The following CSF2RA variants were observed in gnomAD, a reference collection of about 807,000 sequenced individuals.
CSF2RA encodes the protein granulocyte-macrophage colony-stimulating factor receptor subunit alpha.
Under a neutral mutation model 51.6 loss-of-function variants are expected in CSF2RA, and 42 were observed. The ratio of observed to expected loss-of-function variants is 0.81; its 90% confidence interval spans 0.64 to 1.05. CSF2RA has a LOEUF of 1.05. Among genes scored for constraint, CSF2RA ranks in the 50% least tolerant of loss-of-function variants. CSF2RA has a pLI of 0.00. For missense variants in CSF2RA, 530 were observed against 501.1 expected (o/e 1.06, Z -0.55); for synonymous variants, 222 against 193.0 (o/e 1.15, Z -1.24).
In CSF2RA at chrX:1,309,506, G is replaced by C; in HGVS notation, c.*27G>C. ...ACCCAGAGGGTGTAGGAATGGCATG[G>C]ACATCTCCGCCTCCGCGACACGGGG... is the stretch of plus-strand genomic sequence containing the variant. On this transcript the variant is annotated 3_prime_UTR_variant, in exon 13 of 13. Transcript: ENST00000381529. The C allele has an allele frequency of 6.2e-7, 1 of 1,613,988 alleles. No individual in the cohort carries two copies.
At chrX:1,296,923 CGTA>C (rs2091998608) in intron 9 of CSF2RA, among the ~76,000 whole-genome samples, 3 of 64,454 alleles carry the variant, frequency 4.7e-5, no homozygotes, top group Admixed American at 1.2e-4. Flanking sequence ...CTGGCGGAAC[CGTA>C]CAGTCCCCTA....
At chrX:1,283,371 C>T (rs1421300165) in intron 3 of CSF2RA, among the ~76,000 whole-genome samples, 5 of 145,566 alleles carry the variant, frequency 3.4e-5, no homozygotes, top group South Asian at 2.2e-4. Context: ...TTCCTTCTTC[C>T]GTCCCTCCCT....
chrX:1,290,243 GTGTTTTGTTTTGTGTTTGTTTT>G (rs2091274949), intron 6 of CSF2RA, 72 bp from the exon 7 acceptor site: 13 of 1,002,464 alleles, frequency 1.3e-5, no homozygotes, highest in African/African-American at 9.9e-5. Flanking sequence ...TTGTGTTTTT[GTGTTTTGTTTTGTGTTTGTTTT>G]TGTTTTGTTT....
chrX:1,323,159 A>ACAAT, the CSF2RA span, among the ~76,000 whole-genome samples: 10,932 of 61,438 alleles, frequency 0.18, 1,258 homozygotes, highest in African/African-American at 0.37. Context: ...CATTACAATT[A>ACAAT]TAAAATAAAA....
chrX:1,300,075 C>T (rs1354518337), intron 9 of CSF2RA, among the ~76,000 whole-genome samples: 12 of 151,726 alleles, frequency 7.9e-5, no homozygotes, highest in South Asian at 4.2e-4. Context: ...AAAAATTAGC[C>T]GGGCGTGGTG....
chrX:1,321,278 G>T, the CSF2RA span, among the ~76,000 whole-genome samples: 1 of 151,912 alleles, frequency 6.6e-6, no homozygotes, highest in Non-Finnish European at 1.5e-5. Flanking sequence ...GACCATCCTG[G>T]CTAACACAAT....
Position 1,285,819 on chromosome X carries a change from T to C in CSF2RA, c.118T>C (p.Phe40Leu), listed in dbSNP as rs747530795. 9.3e-6 allele frequency: 15 copies of C among 1,613,070 alleles called. No homozygotes were observed. Among genetic ancestry groups the C allele is most frequent in the Non-Finnish European group, 1.3e-5 (15 of 1,179,746 alleles). Residue 40 changes from phenylalanine to leucine, a missense_variant, in exon 4 of 13, where the codon TTT becomes CTT. By Grantham distance (22) the Phe-to-Leu change is conservative. Transcript: ENST00000381529. ...VAPASSLNVR[F>L]DSRTMNLSWD... ...ACCAGCCTCTAGTCTCAATGTGAGGTTTGACTCCAGGACGATGAATTTAAG... is the reference window on the plus strand; with the variant it reads ...ACCAGCCTCTAGTCTCAATGTGAGGCTTGACTCCAGGACGATGAATTTAAG...
chrX:1,286,754 C>A (rs28571702), intron 4 of CSF2RA, among the ~76,000 whole-genome samples: 5 of 152,036 alleles, frequency 3.3e-5, no homozygotes, highest in Admixed American at 1.3e-4. Context: ...CCTATGTTAC[C>A]GTATTTTACC....
rs1380364700 is a variant in CSF2RA, at chrX:1,285,811, A to T, written c.110A>T (p.Asn37Ile). ...LRTVAPASSL[N>I]VRFDSRTMNL... is the part of the protein sequence containing the mutation. ...ACAGTGGCACCAGCCTCTAGTCTCA[A>T]TGTGAGGTTTGACTCCAGGACGATG... is the stretch of plus-strand genomic sequence containing the variant. The change falls in exon 4 of 13, where the codon AAT becomes ATT. Residue 37 changes from asparagine (N) to isoleucine (I), a missense_variant. Coordinates refer to ENST00000381529, the MANE Select transcript of CSF2RA (RefSeq NM_172245.4). 1.4e-5 allele frequency: 22 copies of T among 1,613,636 alleles called. No homozygotes were observed. The highest frequency in any genetic ancestry group is 1.9e-5 in the Non-Finnish European group (22 of 1,179,814).
At chrX:1,283,543 CTTCTTTCT>C (rs370551169) in intron 3 of CSF2RA, among the ~76,000 whole-genome samples, 18 of 113,482 alleles carry the variant, frequency 1.6e-4, no homozygotes, top group Admixed American at 5.5e-4. Flanking sequence ...CTTCCTCTTT[CTTCTTTCT>C]TTCTTTCTTT....
At chrX:1,311,207 C>G (rs2084166557), downstream of CSF2RA, among the ~76,000 whole-genome samples, 1 of 151,112 alleles carries the variant, frequency 6.6e-6, no homozygotes, top group Non-Finnish European at 1.5e-5. Context: ...CAAGATCACG[C>G]CATTGCACTC....
chrX:1,288,495 C>T (rs1569501056), intron 4 of CSF2RA, 24 bp from the exon 5 acceptor site: 10 of 1,613,880 alleles, frequency 6.2e-6, no homozygotes, highest in South Asian at 1.1e-5. Context: ...TCCTAATCGG[C>T]TCTGTCTGGT....
downstream of CSF2RA, among the ~76,000 whole-genome samples, chrX:1,314,870 G>C (rs186592021): frequency 0.062 from 1,928 of 31,130 alleles, 223 homozygotes; most frequent in Non-Finnish European, 0.096. Flanking sequence ...CTGCCCAACC[G>C]CACTGCACCT....
intron 10 of CSF2RA, 104 bp downstream of exon 10, chrX:1,300,730 C>A: frequency 2.0e-6 from 3 of 1,472,008 alleles, no homozygotes; most frequent in Non-Finnish European, 2.9e-6. Context: ...TCGAGTTGAG[C>A]ACGTCGCTGG....
intron 1 of CSF2RA, among the ~76,000 whole-genome samples, chrX:1,271,816 C>T (rs2088472914): frequency 6.6e-6 from 1 of 152,038 alleles, no homozygotes; most frequent in African/African-American, 2.4e-5. Flanking sequence ...GGAGCCCGGC[C>T]GGATTTCACT....
chrX:1,301,280 TG>T (rs1156759144), intron 10 of CSF2RA, among the ~76,000 whole-genome samples: 12 of 122,282 alleles, frequency 9.8e-5, no homozygotes, highest in African/African-American at 3.7e-4. Flanking sequence ...TGCAGTGAGC[TG>T]GGGTCACGCC....
chrX:1,315,792 T>C, the CSF2RA span, among the ~76,000 whole-genome samples: 3 of 147,176 alleles, frequency 2.0e-5, no homozygotes, highest in Admixed American at 6.9e-5. Context: ...GATAGATAGA[T>C]AGATAGATAG....
intron 3 of CSF2RA, among the ~76,000 whole-genome samples, chrX:1,284,627 G>A (rs1412097808): frequency 2.1e-5 from 3 of 140,318 alleles, no homozygotes; most frequent in Non-Finnish European, 3.1e-5. Flanking sequence ...TTTTATAGAC[G>A]AGATCTTGCT....
In CSF2RA at chrX:1,287,956, T is replaced by A. The variant is rs59810941; in HGVS notation, c.220-563T>A. 6.4e-3 allele frequency among the ~76,000 whole-genome samples: 921 copies of A among 144,748 alleles called. 8 individuals carry two copies. The highest frequency in any genetic ancestry group is 9.1e-3 in the Non-Finnish European group (597 of 65,562). 95.0% of individuals were successfully genotyped at this position (144,748 alleles called of 152,430 possible). A position where few individuals can be genotyped will look rare whatever the true frequency, so the allele number is the denominator to read the frequency against. ...TTCACCATGTTGGCCAGGCTGGTCT[T>A]GAACTCCTGACCTCAAGTGATCCAC... On this transcript the variant is annotated intron_variant, in intron 4 of 12. Coordinates refer to ENST00000381529, the MANE Select transcript of CSF2RA (RefSeq NM_172245.4).
Sources: allele counts gnomAD v4.1 joint callset (sites outside exome capture counted in the v4.1 genomes callset), GRCh38; gene constraint gnomAD v4.1.1; transcripts MANE v1.5; gene names NCBI Gene and HGNC (gene_info 2026-07-23, HGNC 2026-07-21).